Variants in MAF observed in about 807,000 individuals in gnomAD.
The protein encoded by MAF is transcription factor Maf.
A neutral mutation model predicts 22.0 loss-of-function variants in MAF; 10 were observed. The observed-to-expected ratio is 0.45, with a 90% CI of 0.28 to 0.77. The LOEUF (loss-of-function observed/expected upper bound fraction) is 0.77. Among genes scored for constraint, MAF ranks in the 30% least tolerant of loss-of-function variants. The probability of loss-of-function intolerance (pLI) is 0.12; values close to 1 mark genes in which losing one functional copy is unlikely to be tolerated. For missense variants in MAF, 544 were observed against 548.4 expected (o/e 0.99, Z 0.08); for synonymous variants, 337 against 255.8 (o/e 1.32, Z -3.03).
chr16:79,503,541 T>A, the MAF span, among the ~76,000 whole-genome samples: 4 of 152,256 alleles, frequency 2.6e-5, no homozygotes, highest in Non-Finnish European at 5.9e-5. Context: ...CAGAAATCAA[T>A]GATCATACTG....
intron 1 of MAF, chr16:79,596,622 TAAAAG>T: frequency 9.6e-7 from 1 of 1,041,312 alleles, no homozygotes; most frequent in Non-Finnish European, 1.2e-6. Context: ...GCAAAATATG[TAAAAG>T]AAAAGTAACT....
At chr16:79,526,456 C>A in the MAF span, among the ~76,000 whole-genome samples, 2 of 152,160 alleles carry the variant, frequency 1.3e-5, no homozygotes, top group African/African-American at 4.8e-5. Context: ...TTTGCTGCTG[C>A]TTACTTCCTG....
chr16:79,315,247 C>T, the MAF span, among the ~76,000 whole-genome samples: 2 of 151,976 alleles, frequency 1.3e-5, no homozygotes, highest in Middle Eastern at 3.2e-3. Context: ...ACAACAATAA[C>T]CATAGAACAT....
At chr16:79,283,172 A>AGATGGACGGATGAATG in the MAF span, among the ~76,000 whole-genome samples, 11 of 152,322 alleles carry the variant, frequency 7.2e-5, no homozygotes, top group South Asian at 2.1e-3. Flanking sequence ...GTGAGTGGAT[A>AGATGGACGGATGAATG]GATGGACGGA....
the MAF span, among the ~76,000 whole-genome samples, chr16:79,427,398 C>A: frequency 0.66 from 100,870 of 152,094 alleles, 34,142 homozygotes; most frequent in East Asian, 1. Context: ...CAGCCCCATT[C>A]ATCGGTGATG....
chr16:79,499,793 A>G, the MAF span, among the ~76,000 whole-genome samples: 1 of 152,238 alleles, frequency 6.6e-6, no homozygotes, highest in Non-Finnish European at 1.5e-5. Flanking sequence ...TTGTTTCAGT[A>G]GCCTCAAAAG....
the MAF span, among the ~76,000 whole-genome samples, chr16:79,244,479 G>C: frequency 6.6e-6 from 1 of 151,884 alleles, no homozygotes; most frequent in East Asian, 1.9e-4. Flanking sequence ...ATTACAAAGA[G>C]AATAAAATAC....
chr16:79,531,988 T>C, the MAF span, among the ~76,000 whole-genome samples: 33 of 152,298 alleles, frequency 2.2e-4, no homozygotes, highest in African/African-American at 6.7e-4. Context: ...TGCCCCAGCA[T>C]AGGGTTGCCA....
the MAF span, among the ~76,000 whole-genome samples, chr16:79,468,373 CT>C: frequency 4.6e-5 from 7 of 152,332 alleles, no homozygotes; most frequent in East Asian, 1.4e-3. Context: ...GCTGACTCTG[CT>C]TAGATCTCCT....
chr16:79,384,306 G>T, the MAF span, among the ~76,000 whole-genome samples: 26 of 152,218 alleles, frequency 1.7e-4, no homozygotes, highest in African/African-American at 6.3e-4. Flanking sequence ...TTAGCTAGGT[G>T]TGGTGGTGGA....
At chr16:79,318,150 G>C in the MAF span, among the ~76,000 whole-genome samples, 3 of 152,200 alleles carry the variant, frequency 2.0e-5, no homozygotes, top group East Asian at 5.8e-4. Context: ...CTACAGGGAA[G>C]AGCAGGACAG....
At chr16:79,409,265 C>T in the MAF span, among the ~76,000 whole-genome samples, 6 of 152,162 alleles carry the variant, frequency 3.9e-5, no homozygotes, top group South Asian at 2.1e-4. Flanking sequence ...CAATAAATGC[C>T]TTTTAACTGA....
At chr16:79,572,769 C>T in the MAF span, among the ~76,000 whole-genome samples, 1 of 152,164 alleles carries the variant, frequency 6.6e-6, no homozygotes, top group African/African-American at 2.4e-5. Context: ...CGAGGCAATC[C>T]TTCCTCCCCA....
At chr16:79,244,590 A>G in the MAF span, among the ~76,000 whole-genome samples, 5 of 152,154 alleles carry the variant, frequency 3.3e-5, no homozygotes, top group African/African-American at 4.8e-5. Flanking sequence ...ATGGAAAAAT[A>G]TTCCAGGCTC....
the MAF span, among the ~76,000 whole-genome samples, chr16:79,519,249 C>T: frequency 6.6e-6 from 1 of 152,086 alleles, no homozygotes; most frequent in East Asian, 1.9e-4. Context: ...CCAGAAACAG[C>T]CATGTGACCA....
the MAF span, among the ~76,000 whole-genome samples, chr16:79,567,402 A>G: frequency 6.6e-6 from 1 of 152,224 alleles, no homozygotes; most frequent in African/African-American, 2.4e-5. Flanking sequence ...GATTATACAC[A>G]TACACAGATA....
the MAF span, among the ~76,000 whole-genome samples, chr16:79,276,328 C>T: frequency 1.3e-5 from 2 of 152,070 alleles, no homozygotes; most frequent in East Asian, 1.9e-4. Context: ...TCTTGGGACT[C>T]GGGGTCCCCA....
At chr16:79,423,446 T>C in the MAF span, among the ~76,000 whole-genome samples, 7 of 152,192 alleles carry the variant, frequency 4.6e-5, no homozygotes, top group Admixed American at 2.0e-4. Flanking sequence ...TCAAACCCGA[T>C]GACTTGTGTG....
chr16:79,491,569 G>A, the MAF span, among the ~76,000 whole-genome samples: 1 of 152,030 alleles, frequency 6.6e-6, no homozygotes, highest in Non-Finnish European at 1.5e-5. Context: ...TCTAAGTCCT[G>A]GTATCCCCTG....
Sources: allele counts gnomAD v4.1 joint callset (sites outside exome capture counted in the v4.1 genomes callset), GRCh38; gene constraint gnomAD v4.1.1; transcripts MANE v1.5; gene names NCBI Gene and HGNC (gene_info 2026-07-23, HGNC 2026-07-21).